Variants in INTS9 observed in about 807,000 individuals in gnomAD.
The protein encoded by INTS9 is protein related to CPSF subunits of 74 kDa.
A neutral mutation model predicts 79.7 loss-of-function variants in INTS9; 55 were observed. That is an observed-to-expected ratio of 0.69 (90% CI 0.56 to 0.86). The LOEUF (loss-of-function observed/expected upper bound fraction) is 0.86, where lower values mean the gene tolerates loss of function less well. INTS9 is among the 40% of genes least tolerant of loss of function. INTS9 has a pLI of 0.00. For missense variants in INTS9, 721 were observed against 831.5 expected (o/e 0.87, Z 1.64); for synonymous variants, 319 against 325.2 (o/e 0.98, Z 0.20).
At chr8:28,876,297 CT>C (rs373667287) in intron 1 of INTS9, among the ~76,000 whole-genome samples, 1 of 152,238 alleles carries the variant, frequency 6.6e-6, no homozygotes, top group Non-Finnish European at 1.5e-5. Flanking sequence ...TTCTATGAGT[CT>C]GTTATGCACC....
intron 1 of INTS9, among the ~76,000 whole-genome samples, chr8:28,882,813 A>G (rs1343969555): frequency 6.6e-6 from 1 of 152,230 alleles, no homozygotes; most frequent in Non-Finnish European, 1.5e-5. Context: ...TGTGCTTTCA[A>G]TAAATTTAAA....
At position 28,889,790 on chromosome 8, in the gene INTS9, G is replaced by A; in HGVS notation, c.9+84C>T. On this transcript the variant is annotated intron_variant, in intron 1 of 16. Coordinates refer to ENST00000521022, the MANE Select transcript of INTS9 (RefSeq NM_018250.4). ...ATAATTGCTACCCCTCCCGTGCGAC[G>A]ATTCCCTGCCCAACGTAGGAAAAAA... 4 of 1,507,096 alleles carry A rather than the reference G, an allele frequency of 2.7e-6. No homozygotes were observed. The South Asian group carries it at 3.5e-5, about 13-fold the overall frequency. 93.4% of individuals were successfully genotyped at this position (1,507,096 alleles called of 1,614,324 possible).
intron 10 of INTS9, among the ~76,000 whole-genome samples, chr8:28,789,020 A>G (rs999920557): frequency 1.3e-5 from 2 of 152,010 alleles, no homozygotes; most frequent in African/African-American, 4.8e-5. Context: ...AATTTTTCCT[A>G]CCCTTAGTTT....
intron 1 of INTS9, 155 bp from the exon 2 acceptor site, chr8:28,859,718 G>T: frequency 5.0e-6 from 4 of 799,762 alleles, no homozygotes; most frequent in Non-Finnish European, 8.4e-6. Context: ...ACTGCTTGGG[G>T]ACTACTTTCC....
chr8:28,864,713 T>C (rs1053341284), intron 1 of INTS9, among the ~76,000 whole-genome samples: 1 of 152,206 alleles, frequency 6.6e-6, no homozygotes, highest in African/African-American at 2.4e-5. Context: ...GAGAATGAGA[T>C]ATGGAATCCT....
chr8:28,786,907 C>T (rs902453729), intron 11 of INTS9, among the ~76,000 whole-genome samples: 19 of 151,944 alleles, frequency 1.3e-4, no homozygotes, highest in Admixed American at 4.6e-4. Context: ...GTAGTAGAGA[C>T]GGGGTTTCAC....
intron 8 of INTS9, among the ~76,000 whole-genome samples, chr8:28,802,989 G>A: frequency 6.6e-6 from 1 of 151,756 alleles, no homozygotes; most frequent in East Asian, 1.9e-4. Flanking sequence ...CTGGTGCACT[G>A]TAGTCCCAGC....
At chr8:28,823,886 C>T (rs940170470) in intron 6 of INTS9, among the ~76,000 whole-genome samples, 1 of 152,186 alleles carries the variant, frequency 6.6e-6, no homozygotes, top group Non-Finnish European at 1.5e-5. Flanking sequence ...CAGAGTAGCA[C>T]ATATGTCAAA....
At position 28,776,145 on chromosome 8, in the gene INTS9, C is replaced by T. The variant is rs2130869360; in HGVS notation, c.1396-219G>A. Reference sequence around the variant, plus strand: ...CATCTCGGAAACCCCTAAACTGCCTCAGCTTAATTTATCTTTCTTACTCTT... The same window carrying T: ...CATCTCGGAAACCCCTAAACTGCCTTAGCTTAATTTATCTTTCTTACTCTT... On this transcript the variant is annotated intron_variant, in intron 13 of 16. Coordinates refer to ENST00000521022, the MANE Select transcript of INTS9 (RefSeq NM_018250.4). 9 of 441,770 alleles carry T rather than the reference C, an allele frequency of 2.0e-5. No homozygotes were observed. The South Asian group carries it at 3.7e-4, about 18-fold the overall frequency. The allele number at this position is 441,770 out of a possible 1,614,324, so 27.4% of individuals were successfully genotyped here.
intron 6 of INTS9, among the ~76,000 whole-genome samples, chr8:28,817,856 G>A (rs1318078252): frequency 6.6e-6 from 1 of 151,142 alleles, no homozygotes; most frequent in East Asian, 2.0e-4. Context: ...AGTTCTCCTT[G>A]AAGAGGTCCT....
At chr8:28,822,957 A>C (rs1805929089) in intron 6 of INTS9, among the ~76,000 whole-genome samples, 1 of 152,172 alleles carries the variant, frequency 6.6e-6, no homozygotes, top group African/African-American at 2.4e-5. Context: ...AAAATGAAGG[A>C]GTAAACAAGA....
At chr8:28,889,024 T>G (rs1006311874) in intron 1 of INTS9, among the ~76,000 whole-genome samples, 5 of 152,070 alleles carry the variant, frequency 3.3e-5, no homozygotes, top group Non-Finnish European at 5.9e-5. Flanking sequence ...CTGCCTCAAG[T>G]AAAGCTTGAC....
intron 3 of INTS9, among the ~76,000 whole-genome samples, chr8:28,849,344 T>C (rs1245821829): frequency 6.6e-6 from 1 of 152,204 alleles, no homozygotes; most frequent in Non-Finnish European, 1.5e-5. Flanking sequence ...TGTCTAACTA[T>C]TGATCCGAGG....
chr8:28,777,921 G>A lies in INTS9; in HGVS notation c.1303C>T (p.Pro435Ser), dbSNP rs1355452278. 1.9e-6 allele frequency: 3 copies of A among 1,612,254 alleles called. No homozygotes were observed. The Admixed American group carries it at 5.0e-5, about 27-fold the overall frequency. ...PDFSYLEALA[P>S]YQPLAMKCIY... ...CATTTCATGGCCAGCGGCTGGTAAG[G>A]AGCCAGGGCTTCCAGGTAGGAGAAG... is the stretch of plus-strand genomic sequence containing the variant. Residue 435 changes from proline to serine, a missense_variant, in exon 13 of 17, where the codon CCT (proline) becomes TCT (serine). Pro to Ser is a moderately conservative substitution (Grantham distance 74). This residue lies in a region of INTS9 where 149 missense variants were observed against 223.7 expected (regional missense o/e 0.67). Coordinates refer to ENST00000521022, the MANE Select transcript of INTS9 (RefSeq NM_018250.4).
At chr8:28,806,092 C>T (rs1051051104) in intron 8 of INTS9, among the ~76,000 whole-genome samples, 10 of 151,744 alleles carry the variant, frequency 6.6e-5, no homozygotes, top group Admixed American at 2.6e-4. Context: ...TAGCCAGGCA[C>T]GGTGACATGT....
rs1388019450 is a variant in INTS9, at chr8:28,889,958, C to T, written c.-76G>A. On this transcript the variant is annotated 5_prime_UTR_variant, in exon 1 of 17. Coordinates refer to ENST00000521022, the MANE Select transcript of INTS9 (RefSeq NM_018250.4). ...AAGCGTCTTCCGGTGCAATCTCCGC[C>T]ACCTGCCAGCCGAGAGCATCGCGGG... is the stretch of plus-strand genomic sequence containing the variant. 13 of 1,223,562 alleles carry T rather than the reference C, an allele frequency of 1.1e-5. No individual in the cohort carries two copies. The highest frequency in any genetic ancestry group is 1.4e-5 in the Non-Finnish European group (12 of 832,086). 75.8% of individuals were successfully genotyped at this position (1,223,562 alleles called of 1,614,324 possible). A position where few individuals can be genotyped will look rare whatever the true frequency, so the allele number is the denominator to read the frequency against.
chr8:28,817,227 C>A (rs1805538801), intron 6 of INTS9, among the ~76,000 whole-genome samples: 1 of 151,578 alleles, frequency 6.6e-6, no homozygotes, highest in Admixed American at 6.6e-5. Context: ...GAAGTCCTTG[C>A]CCATGCCTAT....
intron 2 of INTS9, among the ~76,000 whole-genome samples, chr8:28,854,946 AC>A (rs1223812923): frequency 6.6e-6 from 1 of 152,148 alleles, no homozygotes; most frequent in African/African-American, 2.4e-5. Flanking sequence ...CATCCATGTC[AC>A]TACAAAGGGC....
chr8:28,870,793 T>C (rs1350041717), intron 1 of INTS9, among the ~76,000 whole-genome samples: 1 of 152,154 alleles, frequency 6.6e-6, no homozygotes, highest in Non-Finnish European at 1.5e-5. Flanking sequence ...AAAAGTGTTT[T>C]ATTTAGGGGG....
Sources: gnomAD v4.1 joint callset for allele counts (sites outside exome capture counted in the v4.1 genomes callset) on GRCh38, gnomAD v4.1.1 for gene constraint, gnomAD v4.1.1 regional missense constraint, MANE v1.5 for transcripts, NCBI Gene and HGNC (gene_info 2026-07-23, HGNC 2026-07-21) for gene names.